RTN2: variants seen among roughly 807,000 people sequenced by gnomAD.
The protein encoded by RTN2 is reticulon 2.
Under a neutral mutation model 63.7 loss-of-function variants are expected in RTN2, and 36 were observed. That is an observed-to-expected ratio of 0.56 (90% CI 0.43 to 0.75). The LOEUF (loss-of-function observed/expected upper bound fraction) is 0.75, where lower values mean the gene tolerates loss of function less well. Ranked by LOEUF, RTN2 falls within the 30% of genes least tolerant of loss-of-function variation. The pLI, the probability that RTN2 is intolerant of heterozygous loss-of-function variation, is 0.00. For missense variants in RTN2, 673 were observed against 705.1 expected, an observed-to-expected ratio of 0.95 and a Z score of 0.52; for synonymous variants, 312 against 313.0, an observed-to-expected ratio of 1.00 and a Z score of 0.03.
chr19:45,488,418 G>A, intron 9 of RTN2, 53 bp downstream of exon 9: 2 of 1,587,956 alleles, frequency 1.3e-6, no homozygotes, highest in Non-Finnish European at 1.7e-6. Flanking sequence ...GAAGGAGATG[G>A]TCAGACCCCC....
Position 45,494,591 on chromosome 19 carries a change from G to A in RTN2, c.494C>T (p.Ser165Phe). The change falls in exon 3 of 11, where the codon TCC becomes TTC. Residue 165 changes from serine to phenylalanine, a missense_variant. Physicochemically the swap from Ser to Phe is radical, Grantham distance 155. Coordinates refer to ENST00000245923, the MANE Select transcript of RTN2 (RefSeq NM_005619.5). This position sits in a 1 kb window ranked among gnomAD's most constrained non-coding sequence, Gnocchi z 5.3. ...GGGTTCTTCGTCTTCCAGCGGGGTG[G>A]AGCTGCTGGTGGAAGAGTCCTCCCC... ...GSGEDSSTSSSTPLEDEEPQE... is the reference protein window; with the variant it reads ...GSGEDSSTSSFTPLEDEEPQE... 6.2e-7 allele frequency: 1 copy of A among 1,614,064 alleles called. No homozygotes were observed. Among genetic ancestry groups the A allele is most frequent in the Non-Finnish European group, 8.5e-7 (1 of 1,180,018 alleles).
At chr19:45,489,793 G>A (rs939746468) in intron 5 of RTN2, among the ~76,000 whole-genome samples, 5 of 146,190 alleles carry the variant, frequency 3.4e-5, no homozygotes, top group African/African-American at 1.3e-4. Context: ...ATCCTCCCAC[G>A]TCAGCCTCCT....
Position 45,486,108 on chromosome 19 carries a change from C to A in RTN2, c.1503G>T (p.Gln501His). The change falls in exon 10 of 11, where the codon CAG becomes CAT. Residue 501 changes from glutamine (Q) to histidine (H), a missense_variant. Gln to His is a conservative substitution (Grantham distance 24). Coordinates refer to ENST00000245923, the MANE Select transcript of RTN2 (RefSeq NM_005619.5). ...IPLLYRQHQA[Q>H]IDQYVGLVTN... ...TCACCAACCCCACATATTGGTCGATCTGAGCCTGGGGAGACCAAAGAAAGG... is the reference window on the plus strand; with the variant it reads ...TCACCAACCCCACATATTGGTCGATATGAGCCTGGGGAGACCAAAGAAAGG... 6.2e-7 allele frequency: 1 copy of A among 1,614,048 alleles called. No homozygotes were observed. Among genetic ancestry groups the A allele is most frequent in the Non-Finnish European group, 8.5e-7 (1 of 1,179,982 alleles).
At position 45,494,868 on chromosome 19, in the gene RTN2, C is replaced by T. The variant is rs1403728395; in HGVS notation, c.217G>A (p.Val73Met). ...GAATCCCTGCGGCCCCCGGAGCCCA[C>T]TACACCATCAAAGGCGATGTAGGAG... ...TFSYIAFDGVVGSGGRRDSTA... is the reference protein window; with the variant it reads ...TFSYIAFDGVMGSGGRRDSTA... The change falls in exon 3 of 11, where the codon GTG (valine) becomes ATG (methionine). Residue 73 changes from valine to methionine, a missense_variant. By Grantham distance (21) the Val-to-Met change is conservative. Coordinates refer to ENST00000245923, the MANE Select transcript of RTN2 (RefSeq NM_005619.5). The surrounding 1 kb of genome is among the most constrained non-coding windows in gnomAD (Gnocchi z 5.3). The T allele has an allele frequency of 1.0e-5, 16 of 1,607,848 alleles. No homozygotes were observed. The Admixed American group carries it at 2.5e-4, about 25-fold the overall frequency.
At chr19:45,486,203 A>G (rs2122200968) in intron 9 of RTN2, 90 bp from the exon 10 acceptor site, 2 of 1,177,580 alleles carry the variant, frequency 1.7e-6, no homozygotes, top group African/African-American at 3.0e-5. Flanking sequence ...CAACCTCCAA[A>G]TTAGGAGTTG....
chr19:45,494,430 TAG>T lies in RTN2; in HGVS notation c.560-12_560-11del. 1.2e-6 allele frequency: 2 copies of T among 1,607,594 alleles called. No homozygotes were observed. Among genetic ancestry groups the T allele is most frequent in the East Asian group, 2.2e-5 (1 of 44,704 alleles). On this transcript the variant is annotated splice_polypyrimidine_tract_variant and intron_variant, in intron 3 of 10. Transcript: ENST00000245923. The surrounding 1 kb of genome is among the most constrained non-coding windows in gnomAD (Gnocchi z 5.3). ...AGTCGTAGGTCCAGTTCTGATACGG[TAG>T]AGAGAGGAGGCCGTGAGCTTTCTTC...
At chr19:45,492,978 A>C (rs1255940384) in intron 5 of RTN2, among the ~76,000 whole-genome samples, 182 bp downstream of exon 5, 1 of 152,186 alleles carries the variant, frequency 6.6e-6, no homozygotes, top group East Asian at 1.9e-4. Flanking sequence ...GGCTCGAAGG[A>C]GAAGGGACCC....
intron 6 of RTN2, 29 bp downstream of exon 6, chr19:45,489,317 G>A: frequency 1.3e-6 from 2 of 1,544,920 alleles, no homozygotes; most frequent in South Asian, 2.4e-5. Flanking sequence ...TCAGGACAGG[G>A]GCTCAGGTCA....
At chr19:45,488,772 A>G in intron 7 of RTN2, 66 bp from the exon 8 acceptor site, 2 of 1,596,178 alleles carry the variant, frequency 1.3e-6, no homozygotes, top group Non-Finnish European at 1.7e-6. Flanking sequence ...GAATTTACCC[A>G]ACAGTCGCCC....
Position 45,496,807 on chromosome 19 carries a change from C to G in RTN2, c.19G>C (p.Val7Leu). Residue 7 changes from valine to leucine, a missense_variant, in exon 1 of 11, where the codon GTC becomes CTC. Physicochemically the swap from Val to Leu is conservative, Grantham distance 32 (BLOSUM62 1). Transcript: ENST00000245923. Reference protein sequence around the residue: MGQVLPVFAHCKEAPST... With the variant: MGQVLPLFAHCKEAPST... The stretch of plus-strand genomic sequence containing the variant: ...CTCTACTCACTGCAGTGGGCGAAGA[C>G]CGGCAGGACCTGCCCCATGGCCCCC... The G allele has an allele frequency of 2.0e-6, 3 of 1,522,236 alleles. No individual in the cohort carries two copies. Among genetic ancestry groups the G allele is most frequent in the Non-Finnish European group, 2.7e-6 (3 of 1,131,298 alleles). The allele number at this position is 1,522,236 out of a possible 1,614,324, so 94.3% of individuals were successfully genotyped here. A position where few individuals can be genotyped will look rare whatever the true frequency, so the allele number is the denominator to read the frequency against.
chr19:45,496,644 G>A (rs1968276937), intron 1 of RTN2, 148 bp downstream of exon 1: 2 of 471,188 alleles, frequency 4.2e-6, no homozygotes, highest in East Asian at 7.3e-5. Context: ...GTCGCCGCCA[G>A]AGCGCGGGGG....
intron 9 of RTN2, 35 bp from the exon 10 acceptor site, chr19:45,486,148 G>A: frequency 6.3e-7 from 1 of 1,594,862 alleles, no homozygotes; most frequent in African/African-American, 1.3e-5. Flanking sequence ...AGAAGGGATT[G>A]GAGGGGTTTC....
intron 4 of RTN2, 110 bp from the exon 5 acceptor site, chr19:45,493,488 C>T: frequency 1.2e-6 from 1 of 803,438 alleles, no homozygotes; most frequent in Non-Finnish European, 2.0e-6. Flanking sequence ...GAGATCGAGT[C>T]TCCCTATGTT....
rs761281238 is a variant in RTN2 at position 45,488,724 on chromosome 19, G to A, written c.1381-18C>T. 1 of 1,612,132 alleles carries A rather than the reference G, an allele frequency of 6.2e-7. No individual in the cohort carries two copies. The highest frequency in any genetic ancestry group is 8.5e-7 in the Non-Finnish European group (1 of 1,179,212). On this transcript the variant is annotated intron_variant, in intron 7 of 10. Transcript: ENST00000245923. ...AGGGCCAGCTGGGGGTGAAGGTCAG[G>A]GTCAGCAGAGCCCACCGGGAATTCC...
chr19:45,487,273 G>A (rs1968045685), intron 9 of RTN2, among the ~76,000 whole-genome samples: 1 of 151,820 alleles, frequency 6.6e-6, no homozygotes, highest in Non-Finnish European at 1.5e-5. Context: ...TTGAACTTCT[G>A]GCCTCAAGCA....
At chr19:45,491,007 C>T (rs1254407717) in intron 5 of RTN2, among the ~76,000 whole-genome samples, 2 of 152,098 alleles carry the variant, frequency 1.3e-5, no homozygotes, top group East Asian at 3.9e-4. Context: ...CTGCCTCAGC[C>T]TCCCGAGTAG....
At chr19:45,495,345 G>C in intron 1 of RTN2, 1 of 620,932 alleles carries the variant, frequency 1.6e-6, no homozygotes, top group Non-Finnish European at 2.8e-6. Flanking sequence ...AGTCTTCAAA[G>C]TAGGAATCTT....
chr19:45,487,031 CCT>C (rs1568621261), intron 9 of RTN2, among the ~76,000 whole-genome samples: 6 of 80,336 alleles, frequency 7.5e-5, no homozygotes, highest in African/African-American at 2.7e-4. Flanking sequence ...CCATGCCCAG[CCT>C]TTTTTTTTTT....
chr19:45,487,906 G>A (rs1467213422), intron 9 of RTN2, among the ~76,000 whole-genome samples: 1 of 142,418 alleles, frequency 7.0e-6, no homozygotes, highest in South Asian at 2.2e-4. Context: ...TCGTGCCACT[G>A]CACTCCAGTC....
Sources: allele counts gnomAD v4.1 joint callset (sites outside exome capture counted in the v4.1 genomes callset), GRCh38; gene constraint gnomAD v4.1.1; non-coding constraint Gnocchi (gnomAD v3.1); transcripts MANE v1.5; gene names NCBI Gene and HGNC (gene_info 2026-07-23, HGNC 2026-07-21).